GMEB1: variants seen among roughly 807,000 people sequenced by gnomAD.
GMEB1 encodes the protein glucocorticoid modulatory element binding protein 1.
Under a neutral mutation model 52.4 loss-of-function variants are expected in GMEB1, and 6 were observed. That is an observed-to-expected ratio of 0.11 (90% CI 0.06 to 0.23). GMEB1 has a LOEUF of 0.23. Among genes scored for constraint, GMEB1 ranks in the 10% least tolerant of loss-of-function variants. The pLI is 1.00. For synonymous variants in GMEB1, 255 were observed against 244.9 expected (o/e 1.04, Z -0.38); for missense variants, 486 against 685.6 (o/e 0.71, Z 3.25).
chr1:28,709,400 GAGTA>G (rs1462707964), intron 8 of GMEB1, among the ~76,000 whole-genome samples: 3 of 152,054 alleles, frequency 2.0e-5, no homozygotes, highest in African/African-American at 7.3e-5. Context: ...CTATTTTGCA[GAGTA>G]AGTGTTATTA....
chr1:28,711,369 GTA>G (rs1671054013), intron 9 of GMEB1, among the ~76,000 whole-genome samples: 1 of 151,134 alleles, frequency 6.6e-6, no homozygotes, highest in South Asian at 2.1e-4. Flanking sequence ...TCCCTTGTGT[GTA>G]TTATTTCTTC....
At position 28,716,440 on chromosome 1, in the gene GMEB1, C is replaced by G. The variant is rs1326840346; in HGVS notation, c.*1667C>G. 1 of 152,166 alleles carries G rather than the reference C, an allele frequency of 6.6e-6. No homozygotes were observed. The highest frequency in any genetic ancestry group is 1.5e-5 in the Non-Finnish European group (1 of 68,054). 9.4% of individuals were successfully genotyped at this position (152,166 alleles called of 1,614,324 possible). ...TCCTCTTGTTCTGCCCTCCATCCCT[C>G]AACTCTTAATGGCATCTGTCTCCTA... is the stretch of plus-strand genomic sequence containing the variant. On this transcript the variant is annotated 3_prime_UTR_variant, in exon 10 of 10. Coordinates refer to ENST00000373816, the MANE Select transcript of GMEB1 (RefSeq NM_001319674.2).
At chr1:28,706,415 G>C (rs1180269946) in intron 8 of GMEB1, among the ~76,000 whole-genome samples, 1 of 151,932 alleles carries the variant, frequency 6.6e-6, no homozygotes, top group Non-Finnish European at 1.5e-5. Context: ...GACCAGCCTG[G>C]CCAGCATGGT....
At chr1:28,683,227 T>C (rs1451647241) in intron 1 of GMEB1, among the ~76,000 whole-genome samples, 1 of 151,896 alleles carries the variant, frequency 6.6e-6, no homozygotes, top group Non-Finnish European at 1.5e-5. Context: ...TCTTTTCTTC[T>C]TTTCTTTTTT....
intron 6 of GMEB1, among the ~76,000 whole-genome samples, chr1:28,698,632 G>A (rs1392419051): frequency 4.1e-5 from 6 of 145,602 alleles, no homozygotes; most frequent in African/African-American, 7.6e-5. Context: ...GCAAGATGGC[G>A]CCACTGCACT....
intron 1 of GMEB1, among the ~76,000 whole-genome samples, chr1:28,671,030 C>A (rs1668860452): frequency 6.6e-6 from 1 of 152,160 alleles, no homozygotes; most frequent in Non-Finnish European, 1.5e-5. Context: ...CAAACATCTA[C>A]ATAATAGTCT....
At chr1:28,681,506 A>G (rs1199979211) in intron 1 of GMEB1, among the ~76,000 whole-genome samples, 2 of 152,220 alleles carry the variant, frequency 1.3e-5, no homozygotes, top group African/African-American at 2.4e-5. Flanking sequence ...ATAAAGGTAC[A>G]TTATGCTATG....
intron 2 of GMEB1, among the ~76,000 whole-genome samples, chr1:28,687,212 C>G (rs1421166524): frequency 6.6e-6 from 1 of 151,236 alleles, no homozygotes; most frequent in South Asian, 2.1e-4. Context: ...TGGCATATGC[C>G]TGTAGTCCCA....
chr1:28,676,544 G>A (rs767948965), intron 1 of GMEB1, among the ~76,000 whole-genome samples: 6 of 151,972 alleles, frequency 3.9e-5, no homozygotes, highest in African/African-American at 9.7e-5. Flanking sequence ...TGACTAACAC[G>A]GTGAAACCCT....
intron 1 of GMEB1, among the ~76,000 whole-genome samples, chr1:28,674,807 C>T (rs1669071675): frequency 7.1e-6 from 1 of 140,056 alleles, no homozygotes; most frequent in African/African-American, 2.6e-5. Flanking sequence ...CAAGCTCCGC[C>T]TCCCGGGTTC....
In GMEB1 at chr1:28,695,677, G is replaced by A. The variant is rs1030669558; in HGVS notation, c.441-1250G>A. 1.3e-4 allele frequency among the ~76,000 whole-genome samples: 20 copies of A among 149,748 alleles called. No individual in the cohort carries two copies. In the East Asian group the frequency reaches 2.6e-3, roughly 19 times the overall value. On this transcript the variant is annotated intron_variant, in intron 5 of 9. Transcript: ENST00000373816. ...TTTTCGGCCGGGCGCGGTGGCTCACGCCTGTAATCCCAGCACTTTGGGAGG... is the reference window on the plus strand; with the variant it reads ...TTTTCGGCCGGGCGCGGTGGCTCACACCTGTAATCCCAGCACTTTGGGAGG...
At chr1:28,674,756 T>TCG (rs1669068324) in intron 1 of GMEB1, among the ~76,000 whole-genome samples, 1 of 120,388 alleles carries the variant, frequency 8.3e-6, no homozygotes. Flanking sequence ...TCTCGCTCTG[T>TCG]CGCCCAGGCT....
chr1:28,671,556 A>C (rs1025414451), intron 1 of GMEB1, among the ~76,000 whole-genome samples: 11 of 152,080 alleles, frequency 7.2e-5, no homozygotes, highest in African/African-American at 2.4e-4. Context: ...CTTGGGCAAC[A>C]TGGTGAAACC....
At position 28,718,219 on chromosome 1, in the gene GMEB1, A is replaced by C. The variant is rs1347510784; in HGVS notation, c.*3446A>C. The C allele has an allele frequency of 6.6e-6, 1 of 152,248 alleles. No homozygotes were observed. Among genetic ancestry groups the C allele is most frequent in the Non-Finnish European group, 1.5e-5 (1 of 68,050 alleles). The allele number at this position is 152,248 out of a possible 1,614,324, so 9.4% of individuals were successfully genotyped here. A position where few individuals can be genotyped will look rare whatever the true frequency, so the allele number is the denominator to read the frequency against. ...CATTTTTAAGAACCATCTATGTGCC[A>C]GGCTTTGTGCTAGGCACTGACAGTA... On this transcript the variant is annotated 3_prime_UTR_variant, in exon 10 of 10. Transcript: ENST00000373816.
intron 1 of GMEB1, among the ~76,000 whole-genome samples, chr1:28,671,039 C>T (rs1476958732): frequency 1.3e-5 from 2 of 152,126 alleles, no homozygotes; most frequent in Non-Finnish European, 2.9e-5. Flanking sequence ...ACATAATAGT[C>T]TCCAGTCTGT....
chr1:28,709,941 G>A (rs1169972479), intron 8 of GMEB1, among the ~76,000 whole-genome samples: 1 of 152,046 alleles, frequency 6.6e-6, no homozygotes, highest in Non-Finnish European at 1.5e-5. Context: ...AAGGTCAGGA[G>A]TTCGAGACCA....
In GMEB1 at chr1:28,719,278, G is replaced by T; in HGVS notation, c.*4505G>T. On this transcript the variant is annotated 3_prime_UTR_variant, in exon 10 of 10. Transcript: ENST00000373816. ...TTCTCTTCCCTTTCTCAATTTCCAA[G>T]CTCCACCCACTCCTAAAAACACCAG... is the stretch of plus-strand genomic sequence containing the variant. 6.6e-6 allele frequency: 1 copy of T among 152,288 alleles called. No homozygotes were observed. Among genetic ancestry groups the T allele is most frequent in the Non-Finnish European group, 1.5e-5 (1 of 68,030 alleles). 9.4% of individuals were successfully genotyped at this position (152,288 alleles called of 1,614,324 possible).
chr1:28,706,926 A>G (rs1213924767), intron 8 of GMEB1, among the ~76,000 whole-genome samples: 6 of 148,488 alleles, frequency 4.0e-5, no homozygotes, highest in African/African-American at 7.5e-5. Flanking sequence ...TTTGGCCTCC[A>G]AAAGTGCTGG....
rs1671328022 is a variant in GMEB1 at position 28,718,574 on chromosome 1, C to T, written c.*3801C>T. On this transcript the variant is annotated 3_prime_UTR_variant, in exon 10 of 10. Transcript: ENST00000373816. ...TATGACTTTGCCACTGTACTCTAGCCCAGGTAACAGGGCAACATCCCCAGC... is the reference window on the plus strand; with the variant it reads ...TATGACTTTGCCACTGTACTCTAGCTCAGGTAACAGGGCAACATCCCCAGC... 6.6e-6 allele frequency: 1 copy of T among 152,118 alleles called. No homozygotes were observed. The highest frequency in any genetic ancestry group is 6.6e-5 in the Admixed American group (1 of 15,258). The allele number at this position is 152,118 out of a possible 1,614,324, so 9.4% of individuals were successfully genotyped here.
Sources: allele counts gnomAD v4.1 joint callset (sites outside exome capture counted in the v4.1 genomes callset), GRCh38; gene constraint gnomAD v4.1.1; transcripts MANE v1.5; gene names NCBI Gene and HGNC (gene_info 2026-07-23, HGNC 2026-07-21).